WNT9B: variants seen among roughly 807,000 people sequenced by gnomAD.
WNT9B encodes the protein Wnt family member 9B.
Under a neutral mutation model 30.2 loss-of-function variants are expected in WNT9B, and 12 were observed. That is an observed-to-expected ratio of 0.40 (90% CI 0.26 to 0.64). WNT9B has a LOEUF of 0.64. Ranked by LOEUF, WNT9B falls within the 30% of genes least tolerant of loss-of-function variation. The pLI, the probability that WNT9B is intolerant of heterozygous loss-of-function variation, is 0.42. For synonymous variants in WNT9B, 218 were observed against 216.9 expected (o/e 1.01, Z -0.05); for missense variants, 442 against 485.2 (o/e 0.91, Z 0.84).
chr17:46,873,091 CACACACA>C (rs1568129952), intron 2 of WNT9B, among the ~76,000 whole-genome samples: 1 of 9,606 alleles, frequency 1.0e-4, no homozygotes, highest in African/African-American at 4.6e-4. Flanking sequence ...CCTCTTCACA[CACACACA>C]CACACACACA....
exon 5 of WNT9B, chr17:46,885,680 T>G (rs974976996): frequency 6.6e-6 from 1 of 152,234 alleles, no homozygotes; most frequent in East Asian, 1.9e-4. Context: ...GATGAATGAA[T>G]GAACAAATGA....
At chr17:46,847,294 G>T (rs4968275), upstream of WNT9B, among the ~76,000 whole-genome samples, 29,774 of 152,094 alleles carry the variant, frequency 0.2, 3,581 homozygotes, top group East Asian at 0.5. Flanking sequence ...GAAAAATCAA[G>T]TCTTCCATCC....
chr17:46,879,896 G>A lies in WNT9B; in HGVS notation c.*3178G>A, dbSNP rs1284252998. 3.9e-5 allele frequency among the ~76,000 whole-genome samples: 6 copies of A among 152,220 alleles called. No homozygotes were observed. The highest frequency in any genetic ancestry group is 8.8e-5 in the Non-Finnish European group (6 of 68,034). ...TGCCTGAGAAGGCTGGAGAGACCAG[G>A]AACCCATGGAGGCCACTCCAAGGGG... On this transcript the variant is annotated 3_prime_UTR_variant, in exon 4 of 4. Transcript: ENST00000290015.
At chr17:46,838,375 C>CG (rs1234773728) in intron 1 of WNT9B, among the ~76,000 whole-genome samples, 24 of 151,680 alleles carry the variant, frequency 1.6e-4, no homozygotes, top group African/African-American at 5.8e-4. Flanking sequence ...GCTTGTAATC[C>CG]CAACTTTTTG....
chr17:46,875,447 C>A, intron 3 of WNT9B, 81 bp downstream of exon 3: 1 of 1,457,410 alleles, frequency 6.9e-7, no homozygotes, highest in Non-Finnish European at 9.1e-7. Flanking sequence ...AGGCCAGCAC[C>A]CCACTCCCCA....
In WNT9B at chr17:46,877,952, T is replaced by C. The variant is rs1184296237; in HGVS notation, c.*1234T>C. ...TGAGGAGGAGACGTGACTTTGATAATTTCCTCAGATCCTGTGGACATTTTC... is the reference window on the plus strand; with the variant it reads ...TGAGGAGGAGACGTGACTTTGATAACTTCCTCAGATCCTGTGGACATTTTC... On this transcript the variant is annotated 3_prime_UTR_variant, in exon 4 of 4. Coordinates refer to ENST00000290015, the MANE Select transcript of WNT9B (RefSeq NM_003396.3). 6.6e-6 allele frequency among the ~76,000 whole-genome samples: 1 copy of C among 152,198 alleles called. No homozygotes were observed. Among genetic ancestry groups the C allele is most frequent in the Non-Finnish European group, 1.5e-5 (1 of 68,034 alleles).
At chr17:46,844,305 CTTTTTTTTTT>C (rs34889221) in intron 1 of WNT9B, among the ~76,000 whole-genome samples, 1 of 127,418 alleles carries the variant, frequency 7.8e-6, no homozygotes, top group African/African-American at 3.1e-5. Flanking sequence ...AGTTAGCCAC[CTTTTTTTTTT>C]TTTTTTTTTT....
intron 1 of WNT9B, among the ~76,000 whole-genome samples, chr17:46,852,389 AGTGTGTGTGTGTGTGTGTGTGT>A (rs61138160): frequency 6.6e-5 from 7 of 105,320 alleles, no homozygotes; most frequent in African/African-American, 1.1e-4. Flanking sequence ...GAGAGGGCCC[AGTGTGTGTGTGTGTGTGTGTGT>A]GTGTGTGTGT....
At position 46,853,553 on chromosome 17, in the gene WNT9B, G is replaced by A. The variant is rs560288814; in HGVS notation, c.77+1838G>A. 4.5e-3 allele frequency among the ~76,000 whole-genome samples: 683 copies of A among 151,858 alleles called. 10 individuals carry two copies. The highest frequency in any genetic ancestry group is 0.016 in the African/African-American group (653 of 41,428). ...TGCCCAGCTAATTTTTGTATTTTTA[G>A]TAGAGACAGTGTTTCACCATGTTGG... is the stretch of plus-strand genomic sequence containing the variant. On this transcript the variant is annotated intron_variant, in intron 1 of 3. Transcript: ENST00000290015.
upstream of WNT9B, among the ~76,000 whole-genome samples, chr17:46,847,903 C>A (rs1245319254): frequency 1.3e-5 from 2 of 151,892 alleles, no homozygotes; most frequent in South Asian, 4.2e-4. Flanking sequence ...CTGCAGACAT[C>A]CTGGAGCTAG....
downstream of WNT9B, among the ~76,000 whole-genome samples, chr17:46,882,983 C>T (rs1368516682): frequency 6.6e-6 from 1 of 151,826 alleles, no homozygotes. Context: ...ACCATGATCC[C>T]CATTTTTTTT....
intron 1 of WNT9B, among the ~76,000 whole-genome samples, chr17:46,853,162 G>A (rs2084882673): frequency 6.6e-6 from 1 of 152,080 alleles, no homozygotes; most frequent in Admixed American, 6.5e-5. Context: ...ATCATCACTA[G>A]GGCACAGACT....
chr17:46,872,818 C>T (rs1269091849), intron 2 of WNT9B, 45 bp downstream of exon 2: 4 of 1,500,398 alleles, frequency 2.7e-6, no homozygotes, highest in Non-Finnish European at 3.6e-6. Flanking sequence ...GGGAAGAAGC[C>T]TTCAGGGAGG....
chr17:46,876,386 G>T lies in WNT9B; in HGVS notation c.742G>T (p.Val248Leu), dbSNP rs1245476858. 2 of 1,613,936 alleles carry T rather than the reference G, an allele frequency of 1.2e-6. No homozygotes were observed. Among genetic ancestry groups the T allele is most frequent in the Non-Finnish European group, 1.7e-6 (2 of 1,180,052 alleles). Residue 248 changes from valine (V) to leucine (L), a missense_variant, in exon 4 of 4, where the codon GTG (valine) becomes TTG (leucine). Val to Leu is a conservative substitution (Grantham distance 32, BLOSUM62 1). Coordinates refer to ENST00000290015, the MANE Select transcript of WNT9B (RefSeq NM_003396.3). ...ACTGCGCTATGACTCGGCTGTCAAGGTGTCCAGTGCCACCAATGAGGCCTT... is the reference window on the plus strand; with the variant it reads ...ACTGCGCTATGACTCGGCTGTCAAGTTGTCCAGTGCCACCAATGAGGCCTT... ...LKLRYDSAVKVSSATNEALGR... is the reference protein window; with the variant it reads ...LKLRYDSAVKLSSATNEALGR...
At chr17:46,844,592 C>T (rs555811125) in intron 1 of WNT9B, among the ~76,000 whole-genome samples, 1 of 152,226 alleles carries the variant, frequency 6.6e-6, no homozygotes, top group East Asian at 1.9e-4. Context: ...GATTGCATTC[C>T]TCTAGGCACC....
Position 46,876,441 on chromosome 17 carries a change from G to T in WNT9B, c.797G>T (p.Arg266Met), listed in dbSNP as rs2085346962. Residue 266 changes from arginine to methionine, a missense_variant, in exon 4 of 4, where the codon AGG (arginine) becomes ATG (methionine). Arg to Met is a moderately conservative substitution (Grantham distance 91). Coordinates refer to ENST00000290015, the MANE Select transcript of WNT9B (RefSeq NM_003396.3). ...CGCCTAGAGCTGTGGGCCCCTGCCAGGCAGGGCAGCCTCACCAAAGGCCTG... is the reference window on the plus strand; with the variant it reads ...CGCCTAGAGCTGTGGGCCCCTGCCATGCAGGGCAGCCTCACCAAAGGCCTG... ...LGRLELWAPA[R>M]QGSLTKGLAP... 1.2e-6 allele frequency: 2 copies of T among 1,613,734 alleles called. No individual in the cohort carries two copies. The highest frequency in any genetic ancestry group is 1.6e-4 in the Middle Eastern group (1 of 6,062).
At position 46,879,668 on chromosome 17, in the gene WNT9B, A is replaced by G. The variant is rs2085397785; in HGVS notation, c.*2950A>G. Among the ~76,000 whole-genome samples, 1 of 152,256 alleles carries G rather than the reference A, an allele frequency of 6.6e-6. No homozygotes were observed. Among genetic ancestry groups the G allele is most frequent in the Admixed American group, 6.5e-5 (1 of 15,292 alleles). ...AAGTCACACCTAAGAGACTTGTTCA[A>G]TGAATATTTACTGAACATCTCCATA... On this transcript the variant is annotated 3_prime_UTR_variant, in exon 4 of 4. Coordinates refer to ENST00000290015, the MANE Select transcript of WNT9B (RefSeq NM_003396.3).
At chr17:46,834,214 T>A (rs1199511707) in intron 1 of WNT9B, among the ~76,000 whole-genome samples, 2 of 151,800 alleles carry the variant, frequency 1.3e-5, no homozygotes, top group East Asian at 3.9e-4. Flanking sequence ...AAAAAGAAAA[T>A]GTCTTACTTC....
chr17:46,847,995 T>TGTGC (rs746347823), upstream of WNT9B, among the ~76,000 whole-genome samples: 73 of 149,536 alleles, frequency 4.9e-4, no homozygotes, highest in Admixed American at 2.1e-3. Context: ...TGTGTGTGTG[T>TGTGC]GCACGTGCAT....
Sources: gnomAD v4.1 joint callset for allele counts (sites outside exome capture counted in the v4.1 genomes callset) on GRCh38, gnomAD v4.1.1 for gene constraint, MANE v1.5 for transcripts, NCBI Gene and HGNC (gene_info 2026-07-23, HGNC 2026-07-21) for gene names.